The following EBF1 variants were observed in gnomAD, a reference collection of about 807,000 sequenced individuals.
EBF1 encodes the protein transcription factor COE1.
EBF1 carries 10 observed loss-of-function variants against 68.4 expected under a neutral mutation model. The ratio of observed to expected loss-of-function variants is 0.15; its 90% CI spans 0.09 to 0.25. The LOEUF (loss-of-function observed/expected upper bound fraction) is 0.25, where lower values mean the gene tolerates loss of function less well. Ranked by LOEUF, EBF1 falls within the 10% of genes least tolerant of loss-of-function variation. The pLI is 1.00. For synonymous variants in EBF1, 298 were observed against 299.8 expected (o/e 0.99, Z 0.06); for missense variants, 509 against 794.4 (o/e 0.64, Z 4.32).
At chr5:158,812,163 G>GCAGT (rs760105669) in intron 8 of EBF1, among the ~76,000 whole-genome samples, 89 of 152,258 alleles carry the variant, frequency 5.8e-4, no homozygotes, top group Non-Finnish European at 1.0e-3. Flanking sequence ...GATATAATTG[G>GCAGT]CAGTCAGTCA....
intron 8 of EBF1, among the ~76,000 whole-genome samples, chr5:158,820,675 C>T (rs763849447): frequency 2.5e-4 from 38 of 152,152 alleles, no homozygotes; most frequent in Non-Finnish European, 4.0e-4. Context: ...CCAAGGATGG[C>T]CAACCACTTA....
At chr5:158,795,772 A>T (rs1487006410) in intron 9 of EBF1, among the ~76,000 whole-genome samples, 1 of 152,186 alleles carries the variant, frequency 6.6e-6, no homozygotes, top group Non-Finnish European at 1.5e-5. Flanking sequence ...AGTCATTTTC[A>T]TGGGGTTGCA....
chr5:158,975,566 G>A (rs1364624624), intron 6 of EBF1, among the ~76,000 whole-genome samples: 1 of 151,838 alleles, frequency 6.6e-6, no homozygotes, highest in Non-Finnish European at 1.5e-5. Flanking sequence ...GAGAGTGAAA[G>A]GAAGAAAAGA....
At chr5:158,747,827 G>A (rs1581550701) in intron 10 of EBF1, among the ~76,000 whole-genome samples, 2 of 152,298 alleles carry the variant, frequency 1.3e-5, no homozygotes, top group South Asian at 4.1e-4. Flanking sequence ...ACTCTTTGCT[G>A]TCTCTGTGAA....
intron 6 of EBF1, among the ~76,000 whole-genome samples, chr5:158,931,055 G>C (rs1561544654): frequency 1.3e-5 from 2 of 152,172 alleles, no homozygotes; most frequent in African/African-American, 4.8e-5. Flanking sequence ...TCTTACGATG[G>C]AAATGATGAT....
chr5:158,928,201 G>A (rs1377843636), intron 6 of EBF1, among the ~76,000 whole-genome samples: 4 of 152,168 alleles, frequency 2.6e-5, no homozygotes, highest in African/African-American at 9.7e-5. Flanking sequence ...TTTCTCATCT[G>A]TGAAATGGGG....
intron 6 of EBF1, among the ~76,000 whole-genome samples, chr5:158,909,627 C>T (rs887842370): frequency 1.3e-5 from 2 of 152,084 alleles, no homozygotes; most frequent in Admixed American, 6.5e-5. Flanking sequence ...AGAGTTCTTA[C>T]AGTTACAGAT....
At chr5:158,959,364 T>G (rs530764685) in intron 6 of EBF1, among the ~76,000 whole-genome samples, 1 of 151,596 alleles carries the variant, frequency 6.6e-6, no homozygotes, top group African/African-American at 2.4e-5. Context: ...TGATCTCAGC[T>G]CACTGCAACC....
intron 6 of EBF1, among the ~76,000 whole-genome samples, chr5:158,969,920 A>AAAAGAAAGAAAGAAAGAAAGAAAG (rs1561664338): frequency 5.8e-5 from 4 of 68,626 alleles, no homozygotes; most frequent in Non-Finnish European, 6.7e-5. Flanking sequence ...AAGAAAGAAA[A>AAAAGAAAGAAAGAAAGAAAGAAAG]AAAAAAAAAA....
At chr5:159,003,267 C>A (rs1762921279) in intron 6 of EBF1, among the ~76,000 whole-genome samples, 1 of 152,150 alleles carries the variant, frequency 6.6e-6, no homozygotes, top group Admixed American at 6.5e-5. Flanking sequence ...CAAAAACATC[C>A]CCATACATAT....
chr5:158,762,505 C>T (rs969659271), intron 10 of EBF1, among the ~76,000 whole-genome samples: 2 of 152,086 alleles, frequency 1.3e-5, no homozygotes, highest in East Asian at 1.9e-4. Context: ...GAACAGAAAT[C>T]CCTTATATAA....
In EBF1 at chr5:158,944,917, T is replaced by A. The variant is rs1388238984; in HGVS notation, c.555-104807A>T. 4.6e-5 allele frequency among the ~76,000 whole-genome samples: 7 copies of A among 152,330 alleles called. No homozygotes were observed. In the East Asian group the frequency reaches 9.6e-4, roughly 21 times the overall value. ...CTTCACCCACTTTTTGATGGGGTTG[T>A]TGGTTTTTTTCTCTTGTAAATTTGT... is the stretch of plus-strand genomic sequence containing the variant. On this transcript the variant is annotated intron_variant, in intron 6 of 15. Coordinates refer to ENST00000313708, the MANE Select transcript of EBF1 (RefSeq NM_024007.5).
intron 9 of EBF1, among the ~76,000 whole-genome samples, chr5:158,793,163 G>T (rs541931857): frequency 6.6e-6 from 1 of 152,236 alleles, no homozygotes; most frequent in South Asian, 2.1e-4. Context: ...AACATCATAC[G>T]CAGTGGTGAG....
intron 11 of EBF1, among the ~76,000 whole-genome samples, chr5:158,721,672 C>T (rs754438355): frequency 6.6e-6 from 1 of 152,086 alleles, no homozygotes; most frequent in Non-Finnish European, 1.5e-5. Context: ...TTGGTTCGAT[C>T]GTGTGACCTC....
intron 1 of EBF1, 72 bp downstream of exon 1, chr5:159,099,272 GC>G: frequency 8.0e-7 from 1 of 1,249,558 alleles, no homozygotes; most frequent in Non-Finnish European, 1.0e-6. Flanking sequence ...AGCTGCCGCT[GC>G]CGCTGCCGCC....
intron 5 of EBF1, among the ~76,000 whole-genome samples, chr5:159,080,579 C>G (rs1158916028): frequency 6.6e-6 from 1 of 152,226 alleles, no homozygotes; most frequent in East Asian, 1.9e-4. Flanking sequence ...CACCAAACAA[C>G]TGCGCACCAA....
At chr5:158,700,397 T>C (rs1756474210) in intron 15 of EBF1, among the ~76,000 whole-genome samples, 1 of 151,694 alleles carries the variant, frequency 6.6e-6, no homozygotes, top group African/African-American at 2.4e-5. Context: ...GCAGAGAGAG[T>C]CATTGCTTTC....
At chr5:158,921,722 C>T (rs1808478966) in intron 6 of EBF1, among the ~76,000 whole-genome samples, 1 of 152,160 alleles carries the variant, frequency 6.6e-6, no homozygotes, top group African/African-American at 2.4e-5. Flanking sequence ...TTTGTGGTTG[C>T]TTATTTTTAC....
Position 158,991,113 on chromosome 5 carries a change from C to T in EBF1, c.554+82283G>A, listed in dbSNP as rs145814684. 8.5e-5 allele frequency among the ~76,000 whole-genome samples: 13 copies of T among 152,326 alleles called. No homozygotes were observed. In the South Asian group the frequency reaches 2.5e-3, roughly 29 times the overall value. On this transcript the variant is annotated intron_variant, in intron 6 of 15. Transcript: ENST00000313708. ...TATCTGTGTGATCTTGAGCAATACA[C>T]TACTGAACTTTGATTTCTACGTTTG...
Sources: allele counts gnomAD v4.1 joint callset (sites outside exome capture counted in the v4.1 genomes callset), GRCh38; gene constraint gnomAD v4.1.1; transcripts MANE v1.5; gene names NCBI Gene and HGNC (gene_info 2026-07-23, HGNC 2026-07-21).